The following FRMD6 variants were observed in gnomAD, a reference collection of about 807,000 sequenced individuals.
FRMD6 encodes the protein FERM domain containing 6, also known as FERM domain-containing protein 6.
FRMD6 carries 37 observed loss-of-function variants against 73.2 expected under a neutral mutation model. That is an observed-to-expected ratio of 0.51 (90% CI 0.39 to 0.66). The LOEUF is 0.66. Among genes scored for constraint, FRMD6 ranks in the 30% least tolerant of loss-of-function variants. FRMD6 has a pLI of 0.00. For synonymous variants in FRMD6, 273 were observed against 282.2 expected, an observed-to-expected ratio of 0.97 and a Z score of 0.33; for missense variants, 714 against 780.5, an observed-to-expected ratio of 0.91 and a Z score of 1.02.
At chr14:51,687,654 T>C (rs116890422) in intron 1 of FRMD6, among the ~76,000 whole-genome samples, 1,973 of 152,288 alleles carry the variant, frequency 0.013, 13 homozygotes, top group Non-Finnish European at 0.02. Context: ...CACTTTCTGA[T>C]TTCTAAGAGA....
chr14:51,465,801 TTA>T, the FRMD6 span, among the ~76,000 whole-genome samples: 1 of 152,208 alleles, frequency 6.6e-6, no homozygotes, highest in African/African-American at 2.4e-5. Context: ...CTTTTTTTTT[TTA>T]TTGGCAAATA....
chr14:51,677,979 C>A (rs1395437574), intron 1 of FRMD6, among the ~76,000 whole-genome samples: 1 of 152,116 alleles, frequency 6.6e-6, no homozygotes, highest in African/African-American at 2.4e-5. Context: ...ATGTGAGCCA[C>A]CACATCAAAC....
At chr14:51,436,446 G>T in the FRMD6 span, 1 of 557,352 alleles carries the variant, frequency 1.8e-6, no homozygotes, top group Non-Finnish European at 3.2e-6. Context: ...TTGCTGAATA[G>T]ATTTTTATTT....
intron 10 of FRMD6, among the ~76,000 whole-genome samples, chr14:51,718,787 A>G (rs993589232): frequency 9.2e-5 from 14 of 152,190 alleles, no homozygotes; most frequent in African/African-American, 3.1e-4. Flanking sequence ...GGAACCTGGA[A>G]ATGTGCACAT....
intron 2 of FRMD6, among the ~76,000 whole-genome samples, chr14:51,631,202 G>A (rs1891323252): frequency 6.6e-6 from 1 of 152,184 alleles, no homozygotes; most frequent in Non-Finnish European, 1.5e-5. Context: ...AATCTTTACT[G>A]ATGTCATTGC....
chr14:51,706,147 C>T (rs904324574), intron 6 of FRMD6, among the ~76,000 whole-genome samples: 1 of 152,104 alleles, frequency 6.6e-6, no homozygotes, highest in African/African-American at 2.4e-5. Context: ...TTCTCCCTGT[C>T]CTGTCCCATC....
intron 2 of FRMD6, among the ~76,000 whole-genome samples, chr14:51,587,197 T>C (rs1485920710): frequency 6.6e-6 from 1 of 152,180 alleles, no homozygotes; most frequent in Non-Finnish European, 1.5e-5. Flanking sequence ...CAAAGATCAG[T>C]TGGTTGTTAG....
chr14:51,484,424 G>T (rs1017594366), upstream of FRMD6, among the ~76,000 whole-genome samples: 1 of 151,848 alleles, frequency 6.6e-6, no homozygotes, highest in African/African-American at 2.4e-5. Flanking sequence ...ACCCAGTGGA[G>T]ACAGGGCCCT....
intron 1 of FRMD6, among the ~76,000 whole-genome samples, chr14:51,569,076 C>A (rs1887949943): frequency 6.6e-6 from 1 of 152,052 alleles, no homozygotes; most frequent in Non-Finnish European, 1.5e-5. Flanking sequence ...GAACTCCTGA[C>A]CTCAGGTGAT....
At chr14:51,595,455 G>C (rs1385861203) in intron 2 of FRMD6, among the ~76,000 whole-genome samples, 1 of 152,192 alleles carries the variant, frequency 6.6e-6, no homozygotes, top group East Asian at 1.9e-4. Flanking sequence ...TGGAAAGGTA[G>C]AGACCAAAAT....
chr14:51,649,593 C>G (rs1183795791), upstream of FRMD6: 1 of 152,010 alleles, frequency 6.6e-6, no homozygotes, highest in Non-Finnish European at 1.5e-5. Flanking sequence ...TCAGTAGGTA[C>G]CAAATTAATT....
chr14:51,471,361 C>A, the FRMD6 span, among the ~76,000 whole-genome samples: 10 of 151,884 alleles, frequency 6.6e-5, no homozygotes, highest in Non-Finnish European at 1.2e-4. Context: ...ATTAGCCGGG[C>A]GTGGTGGCAG....
chr14:51,643,571 A>C (rs1891910313), intron 2 of FRMD6: 1 of 152,256 alleles, frequency 6.6e-6, no homozygotes, highest in African/African-American at 2.4e-5. Context: ...GAGACCACTC[A>C]GCGATTAAAC....
chr14:51,590,062 C>CAAAAAAAAAAAAA (rs529602796), intron 2 of FRMD6, among the ~76,000 whole-genome samples: 2 of 82,582 alleles, frequency 2.4e-5, no homozygotes, highest in Non-Finnish European at 5.8e-5. Context: ...GAGCGAAACT[C>CAAAAAAAAAAAAA]AAAAAAAAAA....
At chr14:51,408,963 T>G in the FRMD6 span, among the ~76,000 whole-genome samples, 1 of 152,228 alleles carries the variant, frequency 6.6e-6, no homozygotes, top group Non-Finnish European at 1.5e-5. Context: ...TTGAGGATTT[T>G]TGGATATCCT....
Position 51,704,780 on chromosome 14 carries a change from C to A in FRMD6, c.403C>A (p.His135Asn). 1 of 1,612,892 alleles carries A rather than the reference C, an allele frequency of 6.2e-7. No homozygotes were observed. The highest frequency in any genetic ancestry group is 1.7e-4 in the Middle Eastern group (1 of 6,054). ...DRAARYYYYW[H>N]LRKQVLHSQC... ...AGCAGCAAGATACTATTATTACTGG[C>A]ACCTGAGAAAACAAGTTCTTCATTC... The change falls in exon 6 of 14, where the codon CAC becomes AAC. Residue 135 changes from histidine to asparagine, a missense_variant. His to Asn is a moderately conservative substitution (Grantham distance 68). Transcript: ENST00000344768.
chr14:51,610,337 T>TA (rs540289033), intron 2 of FRMD6, among the ~76,000 whole-genome samples: 18 of 144,962 alleles, frequency 1.2e-4, no homozygotes, highest in South Asian at 4.4e-4. Flanking sequence ...CCCTTTTTTT[T>TA]TAAAAAAAAA....
At chr14:51,436,619 G>C in the FRMD6 span, 7 of 554,972 alleles carry the variant, frequency 1.3e-5, no homozygotes, top group African/African-American at 1.3e-4. Context: ...GGAAGAAGCA[G>C]CATGCGGAAC....
chr14:51,467,778 C>T, the FRMD6 span, among the ~76,000 whole-genome samples: 1 of 151,212 alleles, frequency 6.6e-6, no homozygotes, highest in African/African-American at 2.4e-5. Flanking sequence ...GGGATGACGG[C>T]CAGGAAGAGG....
Sources: allele counts gnomAD v4.1 joint callset (sites outside exome capture counted in the v4.1 genomes callset), GRCh38; gene constraint gnomAD v4.1.1; transcripts MANE v1.5; gene names NCBI Gene and HGNC (gene_info 2026-07-23, HGNC 2026-07-21).